BMP8B: variants seen among roughly 807,000 people sequenced by gnomAD.
BMP8B encodes the protein bone morphogenetic protein 8b.
A neutral mutation model predicts 30.3 loss-of-function variants in BMP8B; 17 were observed. That is an observed-to-expected ratio of 0.56 (90% confidence interval 0.38 to 0.84). The LOEUF (loss-of-function observed/expected upper bound fraction) is 0.84. Among genes scored for constraint, BMP8B ranks in the 40% least tolerant of loss-of-function variants. BMP8B has a pLI of 0.00. For synonymous variants in BMP8B, 131 were observed against 214.7 expected, an observed-to-expected ratio of 0.61 and a Z score of 3.41; for missense variants, 253 against 494.6, an observed-to-expected ratio of 0.51 and a Z score of 4.63.
chr1:39,788,655 G>T lies in BMP8B; in HGVS notation c.-170C>A, dbSNP rs1235160723. Reference sequence around the variant, plus strand: ...GCGGCCTCAGCGCGGTCCCTGGAGCGCCCGCCGCGCGACACCTGTCCTGGC... The same window carrying T: ...GCGGCCTCAGCGCGGTCCCTGGAGCTCCCGCCGCGCGACACCTGTCCTGGC... On this transcript the variant is annotated 5_prime_UTR_variant, in exon 1 of 7. Coordinates refer to ENST00000372827, the MANE Select transcript of BMP8B (RefSeq NM_001720.5). The surrounding 1 kb of genome is among the most constrained non-coding windows in gnomAD (Gnocchi z 5.8). The T allele has an allele frequency of 9.5e-6, 5 of 527,680 alleles. No homozygotes were observed. The East Asian group carries it at 6.0e-4, about 63-fold the overall frequency. The allele number at this position is 527,680 out of a possible 1,614,324, so 32.7% of individuals were successfully genotyped here. A position where few individuals can be genotyped will look rare whatever the true frequency, so the allele number is the denominator to read the frequency against.
At chr1:39,766,663 G>A (rs1314809671) in intron 3 of BMP8B, among the ~76,000 whole-genome samples, 2 of 142,488 alleles carry the variant, frequency 1.4e-5, no homozygotes, top group Admixed American at 6.9e-5. Context: ...TCCCTCTCAC[G>A]AGCATGGACA....
intron 1 of BMP8B, among the ~76,000 whole-genome samples, chr1:39,778,392 G>A (rs1181704594): frequency 6.6e-6 from 1 of 151,656 alleles, no homozygotes; most frequent in Non-Finnish European, 1.5e-5. Context: ...CAAAGGCGGT[G>A]GGGCAGGGGC....
chr1:39,767,120 C>T (rs1308272286), intron 3 of BMP8B, among the ~76,000 whole-genome samples: 18 of 151,758 alleles, frequency 1.2e-4, no homozygotes, highest in African/African-American at 2.2e-4. Context: ...GATAGAATGT[C>T]GCATTAGATC....
intron 2 of BMP8B, 124 bp downstream of exon 2, chr1:39,774,725 G>A: frequency 3.0e-6 from 1 of 336,938 alleles, no homozygotes; most frequent in Non-Finnish European, 5.1e-6. Flanking sequence ...GGGGCCTCGG[G>A]CCAAGCATCC....
At chr1:39,762,215 G>A (rs181638282) in intron 6 of BMP8B, 5 of 276,328 alleles carry the variant, frequency 1.8e-5, no homozygotes, top group Admixed American at 5.1e-5. Flanking sequence ...CATAGTGTGC[G>A]CACGTGTGTG....
chr1:39,784,008 T>C (rs913048478), intron 1 of BMP8B, among the ~76,000 whole-genome samples: 6 of 152,190 alleles, frequency 3.9e-5, no homozygotes, highest in Non-Finnish European at 7.3e-5. Flanking sequence ...CATTTAACGG[T>C]GGGCCAGGCC....
intron 1 of BMP8B, among the ~76,000 whole-genome samples, chr1:39,787,703 AG>A (rs1026654786): frequency 1.5e-4 from 23 of 152,188 alleles, no homozygotes; most frequent in African/African-American, 5.1e-4. Context: ...CTGTGGACTC[AG>A]GGCACGCGAC....
At chr1:39,778,167 C>T (rs1201665515) in intron 1 of BMP8B, among the ~76,000 whole-genome samples, 8 of 152,246 alleles carry the variant, frequency 5.3e-5, no homozygotes, top group East Asian at 1.9e-4. Flanking sequence ...CCCAGGACAG[C>T]GGCTCAGTGT....
chr1:39,763,747 C>T lies in BMP8B; in HGVS notation c.913G>A (p.Glu305Lys), dbSNP rs376816899. 24 of 1,603,638 alleles carry T rather than the reference C, an allele frequency of 1.5e-5. 1 individual carries two copies. Among genetic ancestry groups the T allele is most frequent in the Admixed American group, 1.2e-4 (7 of 59,728 alleles). Residue 305 changes from glutamate (E) to lysine (K), a missense_variant, in exon 5 of 7, where the codon GAG (glutamate) becomes AAG (lysine). Glu to Lys is a moderately conservative substitution (Grantham distance 56). Around this residue, in one of 7 missense-constraint regions of BMP8B, gnomAD observed 116 missense variants for 142.3 expected, o/e 0.81. Coordinates refer to ENST00000372827, the MANE Select transcript of BMP8B (RefSeq NM_001720.5). ...AGGTCCTGGAAGCTGACGTAGAGCT[C>T]GTGCCGACGGCAGACCTGCCGGCCG... ...SHGRQVCRRH[E>K]LYVSFQDLGW...
intron 6 of BMP8B, 81 bp from the exon 7 acceptor site, chr1:39,760,649 C>T (rs936114730): frequency 1.3e-6 from 2 of 1,510,596 alleles, no homozygotes; most frequent in Non-Finnish European, 1.8e-6. Context: ...CCCAGCTCCA[C>T]CTGCTCCCTG....
chr1:39,785,740 G>A (rs1208866127), intron 1 of BMP8B, among the ~76,000 whole-genome samples: 2 of 152,198 alleles, frequency 1.3e-5, no homozygotes, highest in African/African-American at 2.4e-5. Context: ...GGCTGAGGCA[G>A]GAGAAGGGCC....
In BMP8B at chr1:39,788,567, A is replaced by C. The variant is rs1416983013; in HGVS notation, c.-82T>G. ...CGACCCAGGGCCTGGGGACGCCCCG[A>C]CGGCAAGGAGGCTGGGCTCGGCGGG... On this transcript the variant is annotated 5_prime_UTR_variant, in exon 1 of 7. Coordinates refer to ENST00000372827, the MANE Select transcript of BMP8B (RefSeq NM_001720.5). The surrounding 1 kb of genome is among the most constrained non-coding windows in gnomAD (Gnocchi z 5.8). 5.2e-6 allele frequency: 5 copies of C among 958,774 alleles called. No individual in the cohort carries two copies. Among genetic ancestry groups the C allele is most frequent in the Admixed American group, 1.2e-4 (2 of 16,166 alleles). 59.4% of individuals were successfully genotyped at this position (958,774 alleles called of 1,614,324 possible).
intron 3 of BMP8B, 120 bp from the exon 4 acceptor site, chr1:39,764,937 TCCTGCTGAG>T: frequency 6.6e-7 from 1 of 1,516,852 alleles, no homozygotes; most frequent in Non-Finnish European, 8.9e-7. Context: ...ACCCAAGGGG[TCCTGCTGAG>T]CCTCAGTTTC....
rs966491271 is a variant in BMP8B, at chr1:39,768,880, G to A, written c.674-4063C>T. Among the ~76,000 whole-genome samples the A allele has an allele frequency of 2.7e-5, 4 of 150,334 alleles. 1 individual carries two copies. Among genetic ancestry groups the A allele is most frequent in the Non-Finnish European group, 5.9e-5 (4 of 67,744 alleles). ...TGTCTAAAAAAGAAAAAAAATTACA[G>A]TAAGCTAAGGTTAATTGGCCCAACT... On this transcript the variant is annotated intron_variant, in intron 3 of 6. Transcript: ENST00000372827.
intron 1 of BMP8B, among the ~76,000 whole-genome samples, chr1:39,784,815 A>ATCAACACCCC (rs1650869617): frequency 2.0e-5 from 2 of 102,418 alleles, no homozygotes; most frequent in Admixed American, 2.1e-4. Context: ...ACCCCTGTCC[A>ATCAACACCCC]TGGCCACCGG....
At chr1:39,786,457 C>G (rs1557494364) in intron 1 of BMP8B, among the ~76,000 whole-genome samples, 1 of 152,170 alleles carries the variant, frequency 6.6e-6, no homozygotes, top group Non-Finnish European at 1.5e-5. Context: ...GCAACGAAGG[C>G]TGAGAGGGTG....
At chr1:39,763,899 G>A in intron 4 of BMP8B, 108 bp from the exon 5 acceptor site, 1 of 1,269,232 alleles carries the variant, frequency 7.9e-7, no homozygotes. Context: ...TCAAATAAAT[G>A]AATGACAGGA....
intron 1 of BMP8B, among the ~76,000 whole-genome samples, chr1:39,778,533 G>A (rs1376009286): frequency 1.3e-5 from 2 of 150,888 alleles, no homozygotes; most frequent in South Asian, 2.1e-4. Context: ...GCCTCAAGGC[G>A]AGCCCAGGGC....
intron 3 of BMP8B, among the ~76,000 whole-genome samples, chr1:39,767,279 A>AC (rs1392656082): frequency 6.6e-6 from 1 of 151,954 alleles, no homozygotes; most frequent in Non-Finnish European, 1.5e-5. Context: ...AGAAGCAGAA[A>AC]CTAAGGCCCA....
Sources: gnomAD v4.1 joint callset for allele counts (sites outside exome capture counted in the v4.1 genomes callset) on GRCh38, gnomAD v4.1.1 for gene constraint, gnomAD v4.1.1 regional missense constraint, Gnocchi (gnomAD v3.1) non-coding constraint, MANE v1.5 for transcripts, NCBI Gene and HGNC (gene_info 2026-07-23, HGNC 2026-07-21) for gene names.